Variants in MAP1B observed in about 807,000 individuals in gnomAD.
The protein encoded by MAP1B is microtubule-associated protein 1B.
A neutral mutation model predicts 176.1 loss-of-function variants in MAP1B; 12 were observed. The observed-to-expected ratio is 0.07, with a 90% CI of 0.04 to 0.11. MAP1B has a LOEUF of 0.11. Among genes scored for constraint, MAP1B ranks in the 10% least tolerant of loss-of-function variants. The pLI is 1.00. For missense variants in MAP1B, 2,523 were observed against 2,990.5 expected (o/e 0.84, Z 3.65); for synonymous variants, 1,044 against 1,135.0 (o/e 0.92, Z 1.61).
At position 72,197,707 on chromosome 5, in the gene MAP1B, C is replaced by T. The variant is rs755099651; in HGVS notation, c.4352C>T (p.Thr1451Ile). The change falls in exon 5 of 7, where the codon ACT becomes ATT. Residue 1451 changes from threonine (T) to isoleucine (I), a missense_variant. By Grantham distance (89) the Thr-to-Ile change is moderately conservative (BLOSUM62 -1). This residue lies in a region of MAP1B where 1,925 missense variants were observed against 2,126.0 expected (regional missense o/e 0.91). Transcript: ENST00000296755. ...AGTCCAGTTTCTGAAATGACTTCTA[C>T]TAGTCTTTACCAAGACAAACAGGAA... ...QVSPVSEMTSTSLYQDKQEGK... is the reference protein window; with the variant it reads ...QVSPVSEMTSISLYQDKQEGK... 1.9e-6 allele frequency: 3 copies of T among 1,614,082 alleles called. No individual in the cohort carries two copies. The highest frequency in any genetic ancestry group is 1.6e-4 in the Middle Eastern group (1 of 6,062).
At chr5:72,168,964 G>C (rs574005928) in intron 2 of MAP1B, among the ~76,000 whole-genome samples, 5 of 152,168 alleles carry the variant, frequency 3.3e-5, no homozygotes, top group African/African-American at 1.2e-4. Flanking sequence ...ATAAGCAGAT[G>C]TATTCTTTCA....
chr5:72,190,935 T>G (rs1471658986), intron 4 of MAP1B, among the ~76,000 whole-genome samples: 2 of 152,260 alleles, frequency 1.3e-5, no homozygotes, highest in Non-Finnish European at 2.9e-5. Flanking sequence ...GTAAAACCAT[T>G]TATTTCTTAC....
At chr5:72,144,178 ATGT>A (rs200011708) in intron 2 of MAP1B, among the ~76,000 whole-genome samples, 1,893 of 152,056 alleles carry the variant, frequency 0.012, 20 homozygotes, top group Non-Finnish European at 0.019. Context: ...CCTTCCTTCT[ATGT>A]TGTTGTTCTG....
At chr5:72,107,994 G>A (rs983342293) in intron 1 of MAP1B, among the ~76,000 whole-genome samples, 2 of 152,224 alleles carry the variant, frequency 1.3e-5, no homozygotes, top group African/African-American at 2.4e-5. Flanking sequence ...CCCGCTAAGT[G>A]AAATGCAGGT....
At position 72,200,252 on chromosome 5, in the gene MAP1B, A is replaced by G. The variant is rs760838387; in HGVS notation, c.6897A>G (p.Ala2299=). The change falls in exon 5 of 7, where the codon GCA becomes GCG. Residue 2299 remains alanine, a synonymous_variant. Transcript: ENST00000296755. The part of the protein sequence containing the change: ...SPKKKESVEK[A]AKPTTTPEVK... Reference sequence around the variant, plus strand: ...AGAAGAAAGAATCTGTGGAAAAGGCAGCAAAACCCACCACCACTCCTGAGG... The same window carrying G: ...AGAAGAAAGAATCTGTGGAAAAGGCGGCAAAACCCACCACCACTCCTGAGG... 6.2e-7 allele frequency: 1 copy of G among 1,614,214 alleles called. No homozygotes were observed. Among genetic ancestry groups the G allele is most frequent in the South Asian group, 1.1e-5 (1 of 91,080 alleles).
intron 2 of MAP1B, among the ~76,000 whole-genome samples, chr5:72,179,439 A>G (rs1271046466): frequency 6.6e-6 from 1 of 152,190 alleles, no homozygotes; most frequent in Non-Finnish European, 1.5e-5. Flanking sequence ...AGACCTTTAC[A>G]AGCCAGGGTG....
chr5:72,152,873 C>T (rs1428599639), intron 2 of MAP1B, among the ~76,000 whole-genome samples: 3 of 152,198 alleles, frequency 2.0e-5, no homozygotes, highest in Non-Finnish European at 2.9e-5. Flanking sequence ...GCGTGGGCCC[C>T]AGGCTGCTCT....
intron 2 of MAP1B, among the ~76,000 whole-genome samples, chr5:72,169,737 A>G (rs1746499187): frequency 6.6e-6 from 1 of 152,172 alleles, no homozygotes; most frequent in Non-Finnish European, 1.5e-5. Context: ...GCATTTTGTT[A>G]ACTAGAGTCT....
chr5:72,134,343 C>T (rs1745791385), intron 2 of MAP1B, among the ~76,000 whole-genome samples: 1 of 152,148 alleles, frequency 6.6e-6, no homozygotes. Context: ...AAGGAGGGCC[C>T]AGTGAGAAGG....
intron 2 of MAP1B, among the ~76,000 whole-genome samples, chr5:72,158,348 T>TAC: frequency 6.6e-6 from 1 of 151,912 alleles, no homozygotes; most frequent in East Asian, 1.9e-4. Context: ...ATCTGATGTA[T>TAC]TAGTAAGAGA....
Position 72,205,453 on chromosome 5 carries a change from A to C in MAP1B, c.*214A>C. On this transcript the variant is annotated 3_prime_UTR_variant, in exon 7 of 7. Transcript: ENST00000296755. ...ACAGTATTTCCACAATAGGGTTCAAATTCCTGCAAAATTACCTACCCCAGT... is the reference window on the plus strand; with the variant it reads ...ACAGTATTTCCACAATAGGGTTCAACTTCCTGCAAAATTACCTACCCCAGT... 1 of 507,854 alleles carries C rather than the reference A, an allele frequency of 2.0e-6. No individual in the cohort carries two copies. Among genetic ancestry groups the C allele is most frequent in the South Asian group, 2.6e-5 (1 of 38,306 alleles). 31.5% of individuals were successfully genotyped at this position (507,854 alleles called of 1,614,324 possible).
In MAP1B at chr5:72,126,525, C is replaced by G. The variant is rs79603889; in HGVS notation, c.286+10726C>G. 5.4e-3 allele frequency among the ~76,000 whole-genome samples: 820 copies of G among 152,328 alleles called. 5 individuals are homozygous for G. Among genetic ancestry groups the G allele is most frequent in the African/African-American group, 0.018 (762 of 41,566 alleles). ...GACTAGTCACTTCTATCACCACTCT[C>G]TCCCATGGATCTAGATTCCTGTAAA... On this transcript the variant is annotated intron_variant, in intron 2 of 6. Transcript: ENST00000296755.
chr5:72,201,424 G>A (rs1747332462), intron 5 of MAP1B, among the ~76,000 whole-genome samples: 1 of 135,032 alleles, frequency 7.4e-6, no homozygotes, highest in African/African-American at 3.1e-5. Flanking sequence ...GCAAGAGCAG[G>A]TATCCCTGAT....
At chr5:72,166,045 C>G (rs1746421662) in intron 2 of MAP1B, among the ~76,000 whole-genome samples, 1 of 152,184 alleles carries the variant, frequency 6.6e-6, no homozygotes, top group Non-Finnish European at 1.5e-5. Flanking sequence ...GTTACTTGCT[C>G]CAAATGACAC....
At position 72,196,465 on chromosome 5, in the gene MAP1B, A is replaced by C. The variant is rs1027868367; in HGVS notation, c.3110A>C (p.Glu1037Ala). 1 of 1,613,668 alleles carries C rather than the reference A, an allele frequency of 6.2e-7. No homozygotes were observed. Among genetic ancestry groups the C allele is most frequent in the Non-Finnish European group, 8.5e-7 (1 of 1,180,030 alleles). ...GCCAGAGAGGAGGAATATGAGCCGG[A>C]AAAAATGGAAGCTGAAGACTATGTG... ...EDAREEEYEP[E>A]KMEAEDYVMA... Residue 1037 changes from glutamate to alanine, a missense_variant, in exon 5 of 7, where the codon GAA (glutamate) becomes GCA (alanine). Glu to Ala is a moderately radical substitution (Grantham distance 107, BLOSUM62 -1). Around this residue, in one of 4 missense-constraint regions of MAP1B, gnomAD observed 1,925 missense variants for 2,126.0 expected, o/e 0.91. Coordinates refer to ENST00000296755, the MANE Select transcript of MAP1B (RefSeq NM_005909.5). The surrounding 1 kb of genome is among the most constrained non-coding windows in gnomAD (Gnocchi z 5.3).
At chr5:72,124,948 C>A (rs556108447) in intron 2 of MAP1B, among the ~76,000 whole-genome samples, 108 of 152,302 alleles carry the variant, frequency 7.1e-4, no homozygotes, top group African/African-American at 2.6e-3. Context: ...GAGAAGTTAT[C>A]CTTATTGCAA....
chr5:72,160,209 T>A (rs1746302474), intron 2 of MAP1B, among the ~76,000 whole-genome samples: 1 of 98,964 alleles, frequency 1.0e-5, no homozygotes, highest in Non-Finnish European at 2.1e-5. Context: ...CAGCTGTATG[T>A]TGGAAACTTA....
chr5:72,173,015 C>G (rs1402642066), intron 2 of MAP1B, among the ~76,000 whole-genome samples: 3 of 152,186 alleles, frequency 2.0e-5, no homozygotes, highest in South Asian at 2.1e-4. Flanking sequence ...AACACCTGGT[C>G]TCCATCCCAG....
At chr5:72,115,596 A>G (rs1275254519) in intron 1 of MAP1B, 102 bp from the exon 2 acceptor site, 5 of 744,238 alleles carry the variant, frequency 6.7e-6, no homozygotes, top group Non-Finnish European at 1.2e-5. Flanking sequence ...AGGAGTTCCC[A>G]CATCCTCCCT....
Sources: allele counts gnomAD v4.1 joint callset (sites outside exome capture counted in the v4.1 genomes callset), GRCh38; gene constraint gnomAD v4.1.1; regional missense constraint gnomAD v4.1.1; non-coding constraint Gnocchi (gnomAD v3.1); transcripts MANE v1.5; gene names NCBI Gene and HGNC (gene_info 2026-07-23, HGNC 2026-07-21).